Variants in PLCB4 observed in about 807,000 individuals in gnomAD.
PLCB4 encodes the protein phospholipase C beta 4.
In PLCB4, 77 loss-of-function variants were observed where a neutral mutation model predicts 178.8. The observed-to-expected ratio is 0.43, with a 90% CI of 0.36 to 0.52. The LOEUF (loss-of-function observed/expected upper bound fraction) is 0.52. PLCB4 is among the 20% of genes least tolerant of loss of function. The probability of loss-of-function intolerance (pLI) is 0.00; values close to 1 mark genes in which losing one functional copy is unlikely to be tolerated. For missense variants in PLCB4, 1,024 were observed against 1,453.4 expected, an observed-to-expected ratio of 0.70 and a Z score of 4.80; for synonymous variants, 496 against 490.8, an observed-to-expected ratio of 1.01 and a Z score of -0.14.
intron 2 of PLCB4, among the ~76,000 whole-genome samples, chr20:9,198,078 G>A (rs1351971365): frequency 6.6e-6 from 1 of 152,194 alleles, no homozygotes; most frequent in South Asian, 2.1e-4. Context: ...AAAGGACTCT[G>A]CATGAGCAAG....
intron 3 of PLCB4, among the ~76,000 whole-genome samples, chr20:9,239,949 C>A (rs2094039155): frequency 6.6e-6 from 1 of 152,216 alleles, no homozygotes; most frequent in South Asian, 2.1e-4. Context: ...CGCAAGTCTG[C>A]TCTTCCATCT....
chr20:9,086,671 G>T (rs1289835396), intron 1 of PLCB4, among the ~76,000 whole-genome samples: 2 of 152,094 alleles, frequency 1.3e-5, no homozygotes, highest in African/African-American at 4.8e-5. Context: ...TCCTTCCAAG[G>T]CTGTGTTTGC....
intron 32 of PLCB4, among the ~76,000 whole-genome samples, chr20:9,449,128 G>A (rs1019735516): frequency 6.6e-5 from 10 of 152,042 alleles, no homozygotes; most frequent in Admixed American, 6.6e-5. Context: ...CTAGGGTAAT[G>A]GTTTTTCAAG....
intron 12 of PLCB4, among the ~76,000 whole-genome samples, chr20:9,374,441 CTTTTGTTTTTTGGTTTCTTG>C (rs2036507271): frequency 6.6e-6 from 1 of 152,052 alleles, no homozygotes; most frequent in Non-Finnish European, 1.5e-5. Flanking sequence ...CTTCTTCTGC[CTTTTGTTTTTTGGTTTCTTG>C]TTTTGTTTTG....
At position 9,421,404 on chromosome 20, in the gene PLCB4, G is replaced by C. The variant is rs1004438313; in HGVS notation, c.2262G>C (p.Met754Ile). The change falls in exon 27 of 40, where the codon ATG becomes ATC. Residue 754 changes from methionine to isoleucine, a missense_variant. Physicochemically the swap from Met to Ile is conservative, Grantham distance 10. This residue lies in a region of PLCB4 where 227 missense variants were observed against 374.3 expected (regional missense o/e 0.61). Transcript: ENST00000378473. ...TACGTAAGGAATTCCGAACTCGCAT[G>C]GTTATGAATAATGGACTCAATCCAG... ...DTIRKEFRTR[M>I]VMNNGLNPVY... 2 of 1,613,832 alleles carry C rather than the reference G, an allele frequency of 1.2e-6. No individual in the cohort carries two copies. Among genetic ancestry groups the C allele is most frequent in the Non-Finnish European group, 1.7e-6 (2 of 1,179,900 alleles).
chr20:9,464,050 G>A (rs2043591677), intron 35 of PLCB4, among the ~76,000 whole-genome samples: 3 of 152,144 alleles, frequency 2.0e-5, no homozygotes. Context: ...CTCAGCAAAT[G>A]TAAAGGAACA....
intron 3 of PLCB4, among the ~76,000 whole-genome samples, chr20:9,246,981 C>A (rs907275820): frequency 3.9e-5 from 6 of 152,088 alleles, no homozygotes; most frequent in Non-Finnish European, 5.9e-5. Context: ...TAACTGTGTG[C>A]ATCTTTATAT....
chr20:9,447,236 A>G (rs2042468335), intron 32 of PLCB4, among the ~76,000 whole-genome samples: 1 of 152,198 alleles, frequency 6.6e-6, no homozygotes, highest in Non-Finnish European at 1.5e-5. Context: ...AACAATGACC[A>G]TTTATTTGGC....
intron 10 of PLCB4, among the ~76,000 whole-genome samples, 166 bp downstream of exon 10, chr20:9,371,461 T>G (rs1362009504): frequency 6.6e-6 from 1 of 152,140 alleles, no homozygotes; most frequent in Non-Finnish European, 1.5e-5. Context: ...TTCCTCCCTC[T>G]CCCTTCCTCT....
intron 13 of PLCB4, among the ~76,000 whole-genome samples, chr20:9,383,429 A>G (rs956371175): frequency 6.6e-6 from 1 of 152,254 alleles, no homozygotes; most frequent in African/African-American, 2.4e-5. Context: ...AAATCAGTTC[A>G]TAACTTGCAA....
chr20:9,201,936 T>C (rs2093552240), intron 2 of PLCB4, among the ~76,000 whole-genome samples: 1 of 152,206 alleles, frequency 6.6e-6, no homozygotes, highest in Non-Finnish European at 1.5e-5. Flanking sequence ...TACACTAGTG[T>C]TTATGGTAGC....
At chr20:9,241,194 C>T (rs535549428) in intron 3 of PLCB4, among the ~76,000 whole-genome samples, 10 of 152,236 alleles carry the variant, frequency 6.6e-5, no homozygotes, top group South Asian at 2.1e-4. Context: ...TCTCTGATTT[C>T]TTTGTTACCA....
intron 9 of PLCB4, among the ~76,000 whole-genome samples, chr20:9,366,396 CA>C (rs1198133351): frequency 0.082 from 2,798 of 34,008 alleles, 33 homozygotes; most frequent in East Asian, 0.26. Context: ...GACTCCATCT[CA>C]AAAAAAAAAA....
At chr20:9,431,467 T>A (rs1329320105) in intron 28 of PLCB4, among the ~76,000 whole-genome samples, 1 of 152,120 alleles carries the variant, frequency 6.6e-6, no homozygotes, top group African/African-American at 2.4e-5. Context: ...TTTTAATTTT[T>A]ATTTTTTATT....
Position 9,468,558 on chromosome 20 carries a change from T to G in PLCB4, c.3249-13T>G. ...CCCCCCTCCCTGTTTGTTTTCTTGTTTTTAATACATAGGGAAAGCAAGGAA... is the reference window on the plus strand; with the variant it reads ...CCCCCCTCCCTGTTTGTTTTCTTGTGTTTAATACATAGGGAAAGCAAGGAA... On this transcript the variant is annotated splice_polypyrimidine_tract_variant and intron_variant, in intron 35 of 39. Coordinates refer to ENST00000378473, the MANE Select transcript of PLCB4 (RefSeq NM_001377142.1). The G allele has an allele frequency of 1.3e-6, 2 of 1,552,276 alleles. No individual in the cohort carries two copies. Among genetic ancestry groups the G allele is most frequent in the Non-Finnish European group, 1.8e-6 (2 of 1,124,242 alleles).
intron 3 of PLCB4, among the ~76,000 whole-genome samples, chr20:9,253,983 T>TG (rs1426839471): frequency 6.6e-6 from 1 of 152,178 alleles, no homozygotes; most frequent in African/African-American, 2.4e-5. Context: ...AGCAAAAGTA[T>TG]GTTTGGTCTG....
intron 13 of PLCB4, 139 bp from the exon 14 acceptor site, chr20:9,384,062 A>T: frequency 3.1e-6 from 2 of 654,558 alleles, no homozygotes; most frequent in Non-Finnish European, 5.5e-6. Context: ...TCAAGTTCTG[A>T]CAGATGAAAG....
intron 32 of PLCB4, among the ~76,000 whole-genome samples, chr20:9,450,658 CTTT>C (rs60982044): frequency 3.0e-5 from 3 of 100,248 alleles, no homozygotes; most frequent in Non-Finnish European, 4.1e-5. Flanking sequence ...CTTTTCTTTT[CTTT>C]TTTTTTTTTT....
Position 9,333,148 on chromosome 20 carries a change from T to TA in PLCB4, c.85-3971dup, listed in dbSNP as rs371134027. On this transcript the variant is annotated intron_variant, in intron 4 of 39. Coordinates refer to ENST00000378473, the MANE Select transcript of PLCB4 (RefSeq NM_001377142.1). ...TTGGCCTGCTGCAAAATCTTTTATT[T>TA]AAAAAAATTCATTTTTTCATTTATT... is the stretch of plus-strand genomic sequence containing the variant. Among the ~76,000 whole-genome samples, 412 of 152,318 alleles carry TA rather than the reference T, an allele frequency of 2.7e-3. 2 individuals are homozygous for TA. The highest frequency in any genetic ancestry group is 9.5e-3 in the African/African-American group (394 of 41,576).
Sources: gnomAD v4.1 joint callset for allele counts (sites outside exome capture counted in the v4.1 genomes callset) on GRCh38, gnomAD v4.1.1 for gene constraint, gnomAD v4.1.1 regional missense constraint, MANE v1.5 for transcripts, NCBI Gene and HGNC (gene_info 2026-07-23, HGNC 2026-07-21) for gene names.